Variants in PCSK6 observed in about 807,000 individuals in gnomAD.
PCSK6 encodes the protein paired basic amino acid cleaving enzyme 4.
PCSK6 carries 85 observed loss-of-function variants against 123.3 expected under a neutral mutation model. The ratio of observed to expected loss-of-function variants is 0.69; its 90% CI spans 0.58 to 0.83. The LOEUF (loss-of-function observed/expected upper bound fraction) is 0.83. Among genes scored for constraint, PCSK6 ranks in the 40% least tolerant of loss-of-function variants. The probability of loss-of-function intolerance (pLI) is 0.00; values close to 1 mark genes in which losing one functional copy is unlikely to be tolerated. For missense variants in PCSK6, 1,191 were observed against 1,282.3 expected (o/e 0.93, Z 1.09); for synonymous variants, 508 against 516.0 (o/e 0.98, Z 0.21).
chr15:101,364,795 T>C (rs1446296397), intron 13 of PCSK6: 2 of 472,238 alleles, frequency 4.2e-6, no homozygotes, highest in African/African-American at 3.8e-5. Flanking sequence ...AAAAGAAATG[T>C]ACAAGCTTAT....
intron 2 of PCSK6, among the ~76,000 whole-genome samples, chr15:101,434,764 T>C (rs2056547807): frequency 6.6e-6 from 1 of 151,606 alleles, no homozygotes; most frequent in African/African-American, 2.4e-5. Flanking sequence ...GGAGACGGGA[T>C]GCAGGCAGAC....
chr15:101,330,544 T>C (rs2040352830), intron 15 of PCSK6, among the ~76,000 whole-genome samples: 3 of 152,236 alleles, frequency 2.0e-5, no homozygotes, highest in Admixed American at 2.0e-4. Context: ...GGTCTCTGAA[T>C]AGGCTCTCCT....
intron 6 of PCSK6, among the ~76,000 whole-genome samples, chr15:101,403,311 A>G (rs1358708670): frequency 1.3e-5 from 2 of 149,370 alleles, no homozygotes; most frequent in African/African-American, 4.9e-5. Flanking sequence ...TAGGAGATAT[A>G]CCTAATGCTA....
chr15:101,355,419 C>T (rs958443808), intron 13 of PCSK6, among the ~76,000 whole-genome samples: 1 of 152,174 alleles, frequency 6.6e-6, no homozygotes, highest in African/African-American at 2.4e-5. Context: ...TGGGAGGTGC[C>T]CCAGCACCTT....
intron 13 of PCSK6, among the ~76,000 whole-genome samples, chr15:101,338,133 C>T (rs1295871579): frequency 6.6e-6 from 1 of 152,128 alleles, no homozygotes; most frequent in Non-Finnish European, 1.5e-5. Flanking sequence ...TGCAAAATAC[C>T]CAGGCGAGGG....
intron 1 of PCSK6, among the ~76,000 whole-genome samples, chr15:101,467,131 C>T (rs542834036): frequency 3.3e-5 from 5 of 152,216 alleles, no homozygotes; most frequent in South Asian, 4.2e-4. Flanking sequence ...CTGGGAAACA[C>T]GGTTTCCCAC....
intron 6 of PCSK6, among the ~76,000 whole-genome samples, chr15:101,421,681 C>CTCAG (rs1390721861): frequency 6.6e-6 from 1 of 152,210 alleles, no homozygotes; most frequent in Non-Finnish European, 1.5e-5. Flanking sequence ...ATCCTCCAGA[C>CTCAG]TCAGTCAAGT....
intron 2 of PCSK6, among the ~76,000 whole-genome samples, chr15:101,442,019 T>G (rs1278075402): frequency 6.6e-6 from 1 of 152,194 alleles, no homozygotes; most frequent in Non-Finnish European, 1.5e-5. Flanking sequence ...CTGCTCAGTT[T>G]TCTACTGATC....
At position 101,322,581 on chromosome 15, in the gene PCSK6, G is replaced by C; in HGVS notation, c.2404C>G (p.Pro802Ala). 6.2e-7 allele frequency: 1 copy of C among 1,613,410 alleles called. No individual in the cohort carries two copies. Among genetic ancestry groups the C allele is most frequent in the Non-Finnish European group, 8.5e-7 (1 of 1,179,466 alleles). The change falls in exon 18 of 22, where the codon CCA becomes GCA. Residue 802 changes from proline to alanine, a missense_variant. By Grantham distance (27) the Pro-to-Ala change is conservative. Around this residue, in one of 3 missense-constraint regions of PCSK6, gnomAD observed 630 missense variants for 631.4 expected, o/e 1.00. Transcript: ENST00000611716. ...ESQKNCLKCHPSCKKCVDEPE... is the reference protein window; with the variant it reads ...ESQKNCLKCHASCKKCVDEPE... ...TCATCCACGCACTTTTTACAGCTTG[G>C]GTGGCATTTAAGGCAATTTTTCTGA...
At position 101,331,662 on chromosome 15, in the gene PCSK6, A is replaced by G. The variant is rs149557988; in HGVS notation, c.2066T>C (p.Ile689Thr). 380 of 1,613,632 alleles carry G rather than the reference A, an allele frequency of 2.4e-4. 3 individuals carry two copies. In the East Asian group the frequency reaches 7.8e-3, roughly 33 times the overall value. Residue 689 changes from isoleucine to threonine, a missense_variant, in exon 15 of 22, where the codon ATT becomes ACT. Physicochemically the swap from Ile to Thr is moderately conservative, Grantham distance 89. Transcript: ENST00000611716. ...TGAAGCATACTTACTGGTCTGTAAA[A>G]TATTAGCAGAGCCTGGGGTGGATTG... is the stretch of plus-strand genomic sequence containing the variant. Reference protein sequence around the residue: ...TAQSTPGSANILQTSVCHPEC... With the variant: ...TAQSTPGSANTLQTSVCHPEC...
intron 8 of PCSK6, among the ~76,000 whole-genome samples, chr15:101,391,185 C>A (rs2042223850): frequency 6.6e-6 from 1 of 152,116 alleles, no homozygotes; most frequent in African/African-American, 2.4e-5. Flanking sequence ...GGAAAAGGGA[C>A]AAAAATGCTC....
At chr15:101,308,121 A>G (rs1039851565) in intron 20 of PCSK6, 1 of 152,262 alleles carries the variant, frequency 6.6e-6, no homozygotes, top group African/African-American at 2.4e-5. Context: ...GCACTTGCCG[A>G]TGCGGGCCGA....
At chr15:101,441,447 G>C (rs912545833) in intron 2 of PCSK6, among the ~76,000 whole-genome samples, 1 of 152,010 alleles carries the variant, frequency 6.6e-6, no homozygotes. Flanking sequence ...CAGCAACACA[G>C]AGACCTGCTG....
intron 13 of PCSK6, chr15:101,347,052 T>C (rs952092096): frequency 8.9e-6 from 11 of 1,231,634 alleles, no homozygotes; most frequent in East Asian, 3.2e-5. Flanking sequence ...ACAGTGTGTA[T>C]GGTGACTGTT....
In PCSK6 at chr15:101,433,244, T is replaced by C. The variant is rs150582977; in HGVS notation, c.403-1144A>G. On this transcript the variant is annotated intron_variant, in intron 2 of 21. Coordinates refer to ENST00000611716, the MANE Select transcript of PCSK6 (RefSeq NM_002570.5). ...GTCATGGGTTGCCACAGGGTTAATA[T>C]AAGAAACAACACATATAAAGCCCTC... 7.2e-5 allele frequency among the ~76,000 whole-genome samples: 11 copies of C among 152,286 alleles called. No homozygotes were observed. The East Asian group carries it at 2.1e-3, about 29-fold the overall frequency.
chr15:101,326,370 G>A lies in PCSK6; in HGVS notation c.2180+7C>T, dbSNP rs369147584. 1.3e-5 allele frequency: 21 copies of A among 1,561,654 alleles called. No individual in the cohort carries two copies. In the African/African-American group the frequency reaches 2.9e-4, roughly 21 times the overall value. On this transcript the variant is annotated splice_region_variant and intron_variant, in intron 16 of 21. Transcript: ENST00000611716. ...GGTGAGCCACAGGGCTGCGGGACAT[G>A]CATTACCTGCTGGTCTTGACACTCC...
At chr15:101,419,048 A>G (rs1490972602) in intron 6 of PCSK6, among the ~76,000 whole-genome samples, 1 of 152,224 alleles carries the variant, frequency 6.6e-6, no homozygotes, top group Non-Finnish European at 1.5e-5. Context: ...GTCAGAAATC[A>G]AACAGAACCT....
At position 101,305,307 on chromosome 15, in the gene PCSK6, C is replaced by G; in HGVS notation, c.2861G>C (p.Arg954Pro). Residue 954 changes from arginine (R) to proline (P), a missense_variant, in exon 22 of 22, where the codon CGG becomes CCG. Physicochemically the swap from Arg to Pro is moderately radical, Grantham distance 103 (BLOSUM62 -2). Transcript: ENST00000611716. The surrounding 1 kb of genome is among the most constrained non-coding windows in gnomAD (Gnocchi z 4.8). Reference protein sequence around the residue: ...EMVKSNRLCERKLFIQFCCRT... With the variant: ...EMVKSNRLCEPKLFIQFCCRT... ...GCAGCAGAACTGAATGAAGAGCTTC[C>G]GTTCGCACAGCCGGTTGGACTTCAC... The G allele has an allele frequency of 6.2e-7, 1 of 1,612,824 alleles. No individual in the cohort carries two copies. Among genetic ancestry groups the G allele is most frequent in the Non-Finnish European group, 8.5e-7 (1 of 1,179,820 alleles).
chr15:101,454,473 C>T (rs1384318530), intron 1 of PCSK6, among the ~76,000 whole-genome samples: 1 of 152,142 alleles, frequency 6.6e-6, no homozygotes, highest in African/African-American at 2.4e-5. Flanking sequence ...ATGCATGCTA[C>T]AACACAGATG....
Sources: gnomAD v4.1 joint callset for allele counts (sites outside exome capture counted in the v4.1 genomes callset) on GRCh38, gnomAD v4.1.1 for gene constraint, gnomAD v4.1.1 regional missense constraint, Gnocchi (gnomAD v3.1) non-coding constraint, MANE v1.5 for transcripts, NCBI Gene and HGNC (gene_info 2026-07-23, HGNC 2026-07-21) for gene names.